The following FHIT variants were observed in gnomAD, a reference collection of about 807,000 sequenced individuals.
The protein encoded by FHIT is bis(5'-adenosyl)-triphosphatase.
FHIT carries 19 observed loss-of-function variants against 17.9 expected under a neutral mutation model. That is an observed-to-expected ratio of 1.06 (90% CI 0.74 to 1.56). The LOEUF (loss-of-function observed/expected upper bound fraction) is 1.56. Among genes scored for constraint, FHIT ranks in the 40% most tolerant of loss-of-function variants. The pLI is 0.00. For missense variants in FHIT, 248 were observed against 189.2 expected (o/e 1.31, Z -1.82); for synonymous variants, 81 against 69.7 (o/e 1.16, Z -0.81).
chr3:61,203,680 T>C (rs2039107310), intron 1 of FHIT, among the ~76,000 whole-genome samples: 1 of 152,176 alleles, frequency 6.6e-6, no homozygotes, highest in African/African-American at 2.4e-5. Context: ...ATTTTTAGCA[T>C]TTGCCAATAA....
At chr3:60,462,531 C>A (rs1321233330) in intron 5 of FHIT, among the ~76,000 whole-genome samples, 3 of 152,084 alleles carry the variant, frequency 2.0e-5, no homozygotes, top group Non-Finnish European at 2.9e-5. Context: ...GGGAGAACAC[C>A]ACTGAGGAAT....
At chr3:60,018,610 G>C (rs1700433986) in intron 5 of FHIT, among the ~76,000 whole-genome samples, 1 of 152,130 alleles carries the variant, frequency 6.6e-6, no homozygotes, top group African/African-American at 2.4e-5. Flanking sequence ...AGTCAGGAGA[G>C]CCACTGACTT....
At chr3:61,067,094 C>A (rs868021463) in intron 2 of FHIT, among the ~76,000 whole-genome samples, 6 of 152,224 alleles carry the variant, frequency 3.9e-5, no homozygotes, top group Admixed American at 1.3e-4. Context: ...AACTTGAGGA[C>A]CCTGGCAGCA....
At chr3:59,833,055 T>C (rs1206382307) in intron 8 of FHIT, among the ~76,000 whole-genome samples, 1 of 152,210 alleles carries the variant, frequency 6.6e-6, no homozygotes, top group Non-Finnish European at 1.5e-5. Context: ...CTCACTCTTT[T>C]GCAATGATAT....
At chr3:59,770,581 G>A (rs1363389992) in intron 8 of FHIT, among the ~76,000 whole-genome samples, 1 of 152,202 alleles carries the variant, frequency 6.6e-6, no homozygotes, top group African/African-American at 2.4e-5. Context: ...AGAGCCCTCA[G>A]GAGGAACAGC....
intron 5 of FHIT, among the ~76,000 whole-genome samples, chr3:60,446,009 C>T (rs986712156): frequency 6.6e-6 from 1 of 151,966 alleles, no homozygotes; most frequent in Admixed American, 6.6e-5. Context: ...AAAAAATAGA[C>T]CTGCTTCTTA....
intron 1 of FHIT, among the ~76,000 whole-genome samples, chr3:61,208,797 G>C (rs1210024983): frequency 6.6e-6 from 1 of 151,978 alleles, no homozygotes; most frequent in Admixed American, 6.6e-5. Context: ...CTTTTAATTG[G>C]AGCATTTAGT....
At chr3:60,523,104 G>A (rs941631632) in intron 5 of FHIT, among the ~76,000 whole-genome samples, 40 of 152,088 alleles carry the variant, frequency 2.6e-4, no homozygotes, top group African/African-American at 9.4e-4. Flanking sequence ...AACAGTATGG[G>A]GGAAACCATC....
intron 8 of FHIT, among the ~76,000 whole-genome samples, chr3:59,829,669 G>T (rs967308247): frequency 2.0e-5 from 3 of 152,150 alleles, no homozygotes; most frequent in Non-Finnish European, 4.4e-5. Flanking sequence ...ACTCTGACCA[G>T]TTCTGGCCAA....
At chr3:60,119,265 G>T (rs534583721) in intron 5 of FHIT, among the ~76,000 whole-genome samples, 3 of 151,800 alleles carry the variant, frequency 2.0e-5, no homozygotes, top group Non-Finnish European at 4.4e-5. Flanking sequence ...TAGAGACAGG[G>T]TTTCACCATG....
At chr3:61,095,771 C>A (rs778693930) in intron 2 of FHIT, among the ~76,000 whole-genome samples, 17 of 152,362 alleles carry the variant, frequency 1.1e-4, no homozygotes, top group Non-Finnish European at 1.3e-4. Flanking sequence ...CACCTGTCCC[C>A]TCTCTTCAGG....
chr3:60,852,414 C>A (rs1440489417), intron 3 of FHIT, among the ~76,000 whole-genome samples: 3 of 152,114 alleles, frequency 2.0e-5, no homozygotes, highest in African/African-American at 7.2e-5. Flanking sequence ...CCTACTGATT[C>A]TGTTTCTCTG....
At chr3:61,104,154 T>C (rs1279400810) in intron 2 of FHIT, among the ~76,000 whole-genome samples, 1 of 152,062 alleles carries the variant, frequency 6.6e-6, no homozygotes, top group Non-Finnish European at 1.5e-5. Context: ...GTGGTTGTTT[T>C]ATAGTGTCAC....
chr3:60,838,519 T>C (rs542627133), intron 3 of FHIT, among the ~76,000 whole-genome samples: 72 of 152,086 alleles, frequency 4.7e-4, no homozygotes, highest in Non-Finnish European at 7.8e-4. Context: ...AAACACAAAT[T>C]CTCTTAGTTT....
chr3:61,077,154 C>T (rs946178027), intron 2 of FHIT, among the ~76,000 whole-genome samples: 3 of 151,998 alleles, frequency 2.0e-5, no homozygotes, highest in African/African-American at 7.2e-5. Flanking sequence ...GAAGAAAATC[C>T]CACTTAAGGA....
At chr3:60,125,165 G>A (rs1277621200) in intron 5 of FHIT, among the ~76,000 whole-genome samples, 2 of 152,190 alleles carry the variant, frequency 1.3e-5, no homozygotes, top group Non-Finnish European at 2.9e-5. Flanking sequence ...CAAAGGTCAT[G>A]GAGCAAGATG....
intron 5 of FHIT, among the ~76,000 whole-genome samples, chr3:60,441,611 T>A (rs1014133396): frequency 4.7e-5 from 7 of 149,896 alleles, no homozygotes; most frequent in Admixed American, 4.0e-4. Context: ...ACAAACTGGT[T>A]AGTAAATTAG....
intron 5 of FHIT, among the ~76,000 whole-genome samples, chr3:60,403,472 C>G (rs764341193): frequency 1.6e-4 from 25 of 152,154 alleles, no homozygotes; most frequent in Non-Finnish European, 3.1e-4. Context: ...CCTTCTCCAG[C>G]CCTCCTCTCT....
intron 4 of FHIT, among the ~76,000 whole-genome samples, chr3:60,625,390 T>C (rs2363669): frequency 0.44 from 66,604 of 152,006 alleles, 15,248 homozygotes; most frequent in East Asian, 0.71. Context: ...GGCTATACCA[T>C]GTTACATTCT....
Sources: gnomAD v4.1 joint callset for allele counts (sites outside exome capture counted in the v4.1 genomes callset) on GRCh38, gnomAD v4.1.1 for gene constraint, MANE v1.5 for transcripts, NCBI Gene and HGNC (gene_info 2026-07-23, HGNC 2026-07-21) for gene names.